SEC24B: variants seen among roughly 807,000 people sequenced by gnomAD.
SEC24B encodes protein transport protein Sec24B.
A neutral mutation model predicts 142.8 loss-of-function variants in SEC24B; 45 were observed. That is an observed-to-expected ratio of 0.32 (90% CI 0.25 to 0.40). The LOEUF (loss-of-function observed/expected upper bound fraction) is 0.40. Among genes scored for constraint, SEC24B ranks in the 10% least tolerant of loss-of-function variants. The pLI is 1.00. For synonymous variants in SEC24B, 574 were observed against 568.2 expected (o/e 1.01, Z -0.15); for missense variants, 1,409 against 1,526.8 (o/e 0.92, Z 1.29).
intron 3 of SEC24B, among the ~76,000 whole-genome samples, chr4:109,477,412 C>A (rs994999102): frequency 6.6e-6 from 1 of 152,032 alleles, no homozygotes; most frequent in Non-Finnish European, 1.5e-5. Context: ...CTTGAGACCA[C>A]TGGGGCTCAA....
chr4:109,459,602 C>T (rs759401043), intron 1 of SEC24B, among the ~76,000 whole-genome samples: 27 of 152,092 alleles, frequency 1.8e-4, no homozygotes, highest in Non-Finnish European at 3.4e-4. Context: ...TTCCCACCCC[C>T]CATGTTTTCC....
rs191309145 is a variant in SEC24B, at chr4:109,444,500, G to C, written c.133+10498G>C. ...TTTTTTTTTTTTTTTTTTTGGTACA[G>C]GGACTAGACTTGCATGAAATATTTG... On this transcript the variant is annotated intron_variant, in intron 1 of 23. Coordinates refer to ENST00000265175, the MANE Select transcript of SEC24B (RefSeq NM_006323.5). 8.7e-3 allele frequency among the ~76,000 whole-genome samples: 1,221 copies of C among 140,576 alleles called. 23 individuals carry two copies. The highest frequency in any genetic ancestry group is 0.03 in the African/African-American group (1,163 of 39,228). The allele number at this position is 140,576 out of a possible 152,430, so 92.2% of individuals were successfully genotyped here.
Position 109,463,296 on chromosome 4 carries a change from C to A in SEC24B, c.529C>A (p.Pro177Thr). ...CTCTTCTGTTGCGTCTCAGGGATTT[C>A]CCTCTACTTGTGGTCATTATGCTAT... ...ASSSVASQGF[P>T]STCGHYAMST... Residue 177 changes from proline (P) to threonine (T), a missense_variant, in exon 2 of 24, where the codon CCC becomes ACC. Pro to Thr is a conservative substitution (Grantham distance 38). Coordinates refer to ENST00000265175, the MANE Select transcript of SEC24B (RefSeq NM_006323.5). 6.2e-7 allele frequency: 1 copy of A among 1,614,194 alleles called. No individual in the cohort carries two copies. Among genetic ancestry groups the A allele is most frequent in the Non-Finnish European group, 8.5e-7 (1 of 1,180,032 alleles).
chr4:109,529,588 C>A (rs756022524), intron 18 of SEC24B, among the ~76,000 whole-genome samples: 1 of 152,038 alleles, frequency 6.6e-6, no homozygotes, highest in Non-Finnish European at 1.5e-5. Flanking sequence ...TGTAGAGGAT[C>A]ACAAGGTATA....
chr4:109,534,275 T>C (rs1725250812), intron 22 of SEC24B, among the ~76,000 whole-genome samples: 1 of 128,914 alleles, frequency 7.8e-6, no homozygotes, highest in Admixed American at 6.8e-5. Context: ...AAGAAATATT[T>C]GTGGTTTTTT....
At chr4:109,520,136 T>A (rs1180198400) in intron 11 of SEC24B, among the ~76,000 whole-genome samples, 5 of 152,222 alleles carry the variant, frequency 3.3e-5, no homozygotes, top group African/African-American at 1.2e-4. Flanking sequence ...ATTCTGCCCT[T>A]AAAATGCTTA....
In SEC24B at chr4:109,443,472, G is replaced by A. The variant is rs576360559; in HGVS notation, c.133+9470G>A. 9.2e-5 allele frequency among the ~76,000 whole-genome samples: 14 copies of A among 152,216 alleles called. No homozygotes were observed. In the South Asian group the frequency reaches 2.7e-3, roughly 29 times the overall value. On this transcript the variant is annotated intron_variant, in intron 1 of 23. Transcript: ENST00000265175. ...GCCTGGGATGGTCTCAAACTCCTAG[G>A]CTCAAGTGACCCTCCAACCTCTGCC...
At chr4:109,484,845 C>CT (rs2125990342) in intron 4 of SEC24B, among the ~76,000 whole-genome samples, 1 of 127,442 alleles carries the variant, frequency 7.8e-6, no homozygotes, top group South Asian at 2.4e-4. Context: ...GAGTGAGACT[C>CT]TGTCTCAAAA....
At position 109,525,457 on chromosome 4, in the gene SEC24B, C is replaced by A; in HGVS notation, c.2744C>A (p.Thr915Lys). The A allele has an allele frequency of 6.2e-7, 1 of 1,611,318 alleles. No individual in the cohort carries two copies. Among genetic ancestry groups the A allele is most frequent in the Non-Finnish European group, 8.5e-7 (1 of 1,178,546 alleles). The change falls in exon 16 of 24, where the codon ACA (threonine) becomes AAA (lysine). Residue 915 changes from threonine to lysine, a missense_variant. By Grantham distance (78) the Thr-to-Lys change is moderately conservative. Around this residue, in one of 2 missense-constraint regions of SEC24B, gnomAD observed 700 missense variants for 853.3 expected, o/e 0.82. Transcript: ENST00000265175. ...KLQKDLKRYL[T>K]RKIGFEAVMR... Reference sequence around the variant, plus strand: ...CAAAAAGACCTAAAACGGTATCTCACAAGAAAAATTGGGTTTGAAGCTGTT... The same window carrying A: ...CAAAAAGACCTAAAACGGTATCTCAAAAGAAAAATTGGGTTTGAAGCTGTT...
chr4:109,521,755 G>A (rs1427312435), intron 14 of SEC24B, 129 bp downstream of exon 14: 17 of 731,820 alleles, frequency 2.3e-5, no homozygotes, highest in African/African-American at 7.1e-5. Flanking sequence ...TTTTTGAGAC[G>A]TGGTCTCACA....
chr4:109,516,729 T>A (rs1225279109), intron 11 of SEC24B, 89 bp downstream of exon 11: 5 of 668,058 alleles, frequency 7.5e-6, no homozygotes, highest in Middle Eastern at 4.1e-4. Flanking sequence ...TTTGTGGGAT[T>A]GGGTTTGGTT....
At chr4:109,520,853 G>A (rs758733707) in intron 12 of SEC24B, among the ~76,000 whole-genome samples, 6 of 152,098 alleles carry the variant, frequency 3.9e-5, no homozygotes, top group Non-Finnish European at 8.8e-5. Flanking sequence ...TTAGCTAGGC[G>A]TTGTGGCGCA....
chr4:109,449,692 C>T (rs923334788), intron 1 of SEC24B, among the ~76,000 whole-genome samples: 3 of 152,000 alleles, frequency 2.0e-5, no homozygotes, highest in Non-Finnish European at 4.4e-5. Context: ...TATAAGGGCA[C>T]TCCTTCTCTC....
chr4:109,505,193 T>C (rs534161022), intron 6 of SEC24B, among the ~76,000 whole-genome samples: 1 of 152,046 alleles, frequency 6.6e-6, no homozygotes, highest in East Asian at 1.9e-4. Context: ...ACCAAAAAGA[T>C]TAAAAATGAT....
chr4:109,491,487 C>A, intron 5 of SEC24B, 80 bp downstream of exon 5: 1 of 1,003,496 alleles, frequency 1.0e-6, no homozygotes, highest in Non-Finnish European at 1.6e-6. Context: ...ACATGTATTA[C>A]ACATAATAGC....
chr4:109,445,647 C>T (rs916987439), intron 1 of SEC24B, among the ~76,000 whole-genome samples: 7 of 151,872 alleles, frequency 4.6e-5, no homozygotes, highest in African/African-American at 9.7e-5. Context: ...TGGCTCACTG[C>T]GGCCTCAATC....
rs1200372306 is a variant in SEC24B at position 109,477,579 on chromosome 4, G to A, written c.1061-4098G>A. On this transcript the variant is annotated intron_variant, in intron 3 of 23. Transcript: ENST00000265175. ...AGGCTCGAGTGATTATCCCACCTTG[G>A]CCTCCCAAGGTGCTCAGATTACAGG... 2.6e-5 allele frequency among the ~76,000 whole-genome samples: 4 copies of A among 152,104 alleles called. No individual in the cohort carries two copies. The South Asian group carries it at 8.3e-4, about 32-fold the overall frequency.
intron 7 of SEC24B, among the ~76,000 whole-genome samples, chr4:109,508,856 A>G (rs935775375): frequency 2.0e-5 from 3 of 152,212 alleles, no homozygotes; most frequent in Admixed American, 6.5e-5. Context: ...ACATTTATCA[A>G]ATGCCTTGGA....
chr4:109,530,302 C>A lies in SEC24B; in HGVS notation c.3090C>A (p.Ser1030=). 1 of 1,612,274 alleles carries A rather than the reference C, an allele frequency of 6.2e-7. No individual in the cohort carries two copies. Among genetic ancestry groups the A allele is most frequent in the South Asian group, 1.1e-5 (1 of 90,862 alleles). ...GTTGCTTTTTAGCTGTGGATCGGTC[C>A]GTTTCATCAAGTCTGTCAGATGCAA... The part of the protein sequence containing the change: ...CLLANMAVDR[S]VSSSLSDARD... Residue 1030 remains serine (S), a synonymous_variant, in exon 19 of 24, where the codon TCC becomes TCA. Transcript: ENST00000265175.
Sources: gnomAD v4.1 joint callset for allele counts (sites outside exome capture counted in the v4.1 genomes callset) on GRCh38, gnomAD v4.1.1 for gene constraint, gnomAD v4.1.1 regional missense constraint, MANE v1.5 for transcripts, NCBI Gene and HGNC (gene_info 2026-07-23, HGNC 2026-07-21) for gene names.